HIVEP3: variants seen among roughly 807,000 people sequenced by gnomAD.
HIVEP3 encodes the protein transcription factor HIVEP3.
In HIVEP3, 49 loss-of-function variants were observed where a neutral mutation model predicts 152.8. That is an observed-to-expected ratio of 0.32 (90% confidence interval 0.26 to 0.41). HIVEP3 has a LOEUF of 0.41. Ranked by LOEUF, HIVEP3 falls within the 10% of genes least tolerant of loss-of-function variation. The pLI, the probability that HIVEP3 is intolerant of heterozygous loss-of-function variation, is 1.00. For missense variants in HIVEP3, 2,790 were observed against 3,103.3 expected (o/e 0.90, Z 2.40); for synonymous variants, 1,269 against 1,289.0 (o/e 0.98, Z 0.33).
rs72965229 is a variant in HIVEP3 at position 41,912,453 on chromosome 1, A to G, written c.-801+5960T>C. On this transcript the variant is annotated intron_variant, in intron 1 of 8. Coordinates refer to ENST00000372583, the MANE Select transcript of HIVEP3 (RefSeq NM_024503.5). ...GCCATATCTTTTCTAGTTGCTGGGC[A>G]AAGATGCTCTCCTCAATTGTAATTG... Among the ~76,000 whole-genome samples the G allele has an allele frequency of 9.8e-3, 1,490 of 152,326 alleles. 19 individuals carry two copies. Among genetic ancestry groups the G allele is most frequent in the African/African-American group, 0.033 (1,388 of 41,554 alleles).
At chr1:41,703,002 C>T (rs557432829) in intron 1 of HIVEP3, among the ~76,000 whole-genome samples, 52 of 152,304 alleles carry the variant, frequency 3.4e-4, no homozygotes, top group African/African-American at 1.1e-3. Flanking sequence ...AACCCTTGCC[C>T]GGTGCTTTTT....
At chr1:41,966,186 ATT>A (rs1029484505) in intron 1 of HIVEP3, among the ~76,000 whole-genome samples, 1 of 152,150 alleles carries the variant, frequency 6.6e-6, no homozygotes, top group African/African-American at 2.4e-5. Flanking sequence ...TACTGAGGGA[ATT>A]TGTCACCAGC....
At chr1:41,875,761 C>T (rs747597545) in intron 1 of HIVEP3, among the ~76,000 whole-genome samples, 1 of 152,246 alleles carries the variant, frequency 6.6e-6, no homozygotes, top group Non-Finnish European at 1.5e-5. Flanking sequence ...CCCCACCCCT[C>T]TAGGAGAGCC....
At chr1:41,751,835 T>C (rs1178203495) in intron 1 of HIVEP3, among the ~76,000 whole-genome samples, 1 of 152,082 alleles carries the variant, frequency 6.6e-6, no homozygotes. Context: ...ATCACACAGA[T>C]GGTATCATAC....
intron 5 of HIVEP3, among the ~76,000 whole-genome samples, chr1:41,530,874 A>G (rs1226984732): frequency 6.6e-6 from 1 of 152,212 alleles, no homozygotes; most frequent in African/African-American, 2.4e-5. Context: ...AGGGAGAGAG[A>G]GGACTCTGAG....
At chr1:41,677,995 G>T (rs939250588) in intron 2 of HIVEP3, among the ~76,000 whole-genome samples, 14 of 152,226 alleles carry the variant, frequency 9.2e-5, no homozygotes, top group African/African-American at 3.4e-4. Context: ...TGGGGACAGG[G>T]CATGCCTCTC....
chr1:41,998,396 G>T (rs1349752585), intron 1 of HIVEP3, among the ~76,000 whole-genome samples: 4 of 152,032 alleles, frequency 2.6e-5, no homozygotes, highest in Non-Finnish European at 5.9e-5. Flanking sequence ...TGGATATTTG[G>T]CATATTTAAT....
intron 6 of HIVEP3, among the ~76,000 whole-genome samples, chr1:41,521,362 C>A (rs546479462): frequency 6.6e-6 from 1 of 152,348 alleles, no homozygotes; most frequent in South Asian, 2.1e-4. Flanking sequence ...CAGGAGAAGG[C>A]ACCAGGGAGC....
intron 2 of HIVEP3, among the ~76,000 whole-genome samples, chr1:41,665,358 A>G (rs982195018): frequency 2.0e-5 from 3 of 152,092 alleles, no homozygotes; most frequent in East Asian, 1.9e-4. Context: ...GTTCCTTCCT[A>G]TCAGCCCCAT....
rs959696153 is a variant in HIVEP3 at position 41,649,867 on chromosome 1, A to C, written c.-720-20920T>G. On this transcript the variant is annotated intron_variant, in intron 2 of 8. Coordinates refer to ENST00000372583, the MANE Select transcript of HIVEP3 (RefSeq NM_024503.5). ...TTTGGCAGGGTTGCCAAAATTCTGT[A>C]AGACTAGAATTAAATTAGCAAATTG... Among the ~76,000 whole-genome samples the C allele has an allele frequency of 2.0e-5, 3 of 152,194 alleles. 1 individual carries two copies. The highest frequency in any genetic ancestry group is 4.4e-5 in the Non-Finnish European group (3 of 68,036).
chr1:41,558,232 C>A (rs996542888), intron 5 of HIVEP3, among the ~76,000 whole-genome samples: 12 of 152,198 alleles, frequency 7.9e-5, no homozygotes, highest in Non-Finnish European at 1.5e-4. Flanking sequence ...TTGGAGCATG[C>A]CCTATGCTGG....
chr1:41,907,937 G>A (rs909472063), intron 1 of HIVEP3, among the ~76,000 whole-genome samples: 5 of 152,196 alleles, frequency 3.3e-5, no homozygotes, highest in African/African-American at 1.2e-4. Context: ...AGAACTAGAT[G>A]CTTTCACTTT....
intron 3 of HIVEP3, among the ~76,000 whole-genome samples, chr1:41,600,455 A>G (rs1644729955): frequency 6.6e-6 from 1 of 152,228 alleles, no homozygotes; most frequent in African/African-American, 2.4e-5. Context: ...TAAGCCAGCC[A>G]CAAATGAACA....
intron 5 of HIVEP3, chr1:41,542,008 T>C (rs1643541760): frequency 6.6e-6 from 1 of 152,214 alleles, no homozygotes; most frequent in Non-Finnish European, 1.5e-5. Context: ...CTTGGAAGAG[T>C]GCCTAGCACC....
chr1:41,609,203 AC>A (rs1282911066), intron 3 of HIVEP3, among the ~76,000 whole-genome samples: 1 of 152,232 alleles, frequency 6.6e-6, no homozygotes, highest in Non-Finnish European at 1.5e-5. Flanking sequence ...GGATGTGGAC[AC>A]CGGAAAGGAA....
chr1:41,794,774 T>C (rs1325303904), intron 1 of HIVEP3, among the ~76,000 whole-genome samples: 1 of 152,224 alleles, frequency 6.6e-6, no homozygotes, highest in Non-Finnish European at 1.5e-5. Flanking sequence ...ATTTTGTCCA[T>C]TGCTGGGGAA....
intron 1 of HIVEP3, among the ~76,000 whole-genome samples, chr1:41,997,641 T>A (rs552657510): frequency 2.6e-5 from 4 of 152,220 alleles, no homozygotes; most frequent in African/African-American, 9.6e-5. Flanking sequence ...GAATATGCTG[T>A]ACTTGTTCTA....
chr1:41,508,175 G>GC lies in HIVEP3; in HGVS notation c.*2275dup, dbSNP rs1195150629. 6.6e-6 allele frequency: 1 copy of GC among 152,268 alleles called. No homozygotes were observed. The highest frequency in any genetic ancestry group is 1.5e-5 in the Non-Finnish European group (1 of 68,104). The allele number at this position is 152,268 out of a possible 1,614,324, so 9.4% of individuals were successfully genotyped here. On this transcript the variant is annotated 3_prime_UTR_variant, in exon 9 of 9. Coordinates refer to ENST00000372583, the MANE Select transcript of HIVEP3 (RefSeq NM_024503.5). The stretch of plus-strand genomic sequence containing the variant: ...CAATGTCAGGGGCTAGTCCACCAGA[G>GC]CCCCCGGTCTGCTGCTTTGTAGGTC...
At chr1:41,896,702 G>A (rs1324748662) in intron 1 of HIVEP3, among the ~76,000 whole-genome samples, 1 of 151,876 alleles carries the variant, frequency 6.6e-6, no homozygotes, top group East Asian at 1.9e-4. Flanking sequence ...AGCCTCCTGA[G>A]TAGCTGAGAC....
Sources: gnomAD v4.1 joint callset for allele counts (sites outside exome capture counted in the v4.1 genomes callset) on GRCh38, gnomAD v4.1.1 for gene constraint, MANE v1.5 for transcripts, NCBI Gene and HGNC (gene_info 2026-07-23, HGNC 2026-07-21) for gene names.